OPHN1: variants seen among roughly 807,000 people sequenced by gnomAD.
OPHN1 encodes oligophrenin-1.
OPHN1 carries 11 observed loss-of-function variants against 60.7 expected under a neutral mutation model. The observed-to-expected ratio is 0.18, with a 90% CI of 0.11 to 0.30. OPHN1 has a LOEUF of 0.30. Among genes scored for constraint, OPHN1 ranks in the 10% least tolerant of loss-of-function variants. The pLI is 1.00. For missense variants in OPHN1, 449 were observed against 611.0 expected, an observed-to-expected ratio of 0.73 and a Z score of 2.80; for synonymous variants, 226 against 222.6, an observed-to-expected ratio of 1.02 and a Z score of -0.14.
At chrX:68,401,230 C>T (rs2078712968) in intron 2 of OPHN1, among the ~76,000 whole-genome samples, 1 of 111,831 alleles carries the variant, frequency 8.9e-6, no homozygotes, top group Admixed American at 9.5e-5. Flanking sequence ...GAGATATTCA[C>T]AATACAGCTA....
chrX:68,278,506 C>G (rs745542827), intron 4 of OPHN1, among the ~76,000 whole-genome samples: 2 of 112,920 alleles, frequency 1.8e-5, no homozygotes, highest in Non-Finnish European at 3.7e-5. Flanking sequence ...CAAAGTAACA[C>G]TGAAGGTGTT....
chrX:68,154,078 C>T, intron 15 of OPHN1, among the ~76,000 whole-genome samples: 1 of 112,144 alleles, frequency 8.9e-6, no homozygotes, highest in Non-Finnish European at 1.9e-5. Context: ...ACATTGGCAG[C>T]AATTTTATTA....
At chrX:68,306,095 G>A (rs981403562) in intron 2 of OPHN1, among the ~76,000 whole-genome samples, 7 of 112,205 alleles carry the variant, frequency 6.2e-5, no homozygotes, top group Non-Finnish European at 1.1e-4. Flanking sequence ...GTCCCCAGCT[G>A]GATAGTTCTC....
rs1352846416 is a variant in OPHN1 at position 68,045,695 on chromosome X, C to T, written c.*1477G>A. On this transcript the variant is annotated 3_prime_UTR_variant, in exon 25 of 25. Coordinates refer to ENST00000355520, the MANE Select transcript of OPHN1 (RefSeq NM_002547.3). ...CATTCCTCAGATTTCTGCCCCATTA[C>T]ACCAATTTTTAGGTCCTTTCCAATA... is the stretch of plus-strand genomic sequence containing the variant. The T allele has an allele frequency of 8.9e-6, 1 of 112,196 alleles. No individual in the cohort carries two copies. Among genetic ancestry groups the T allele is most frequent in the East Asian group, 2.8e-4 (1 of 3,557 alleles). 9.2% of individuals were successfully genotyped at this position (112,196 alleles called of 1,213,427 possible).
chrX:68,069,230 C>A (rs2076924227), intron 20 of OPHN1, among the ~76,000 whole-genome samples: 1 of 111,773 alleles, frequency 8.9e-6, no homozygotes, highest in Non-Finnish European at 1.9e-5. Context: ...TTAAATTAGA[C>A]CTTCTATCTA....
intron 7 of OPHN1, among the ~76,000 whole-genome samples, chrX:68,212,754 A>G (rs779100592): frequency 3.6e-4 from 40 of 112,290 alleles, no homozygotes; most frequent in Non-Finnish European, 7.1e-4. Context: ...TAACAAATTT[A>G]TTAACCCTGA....
intron 5 of OPHN1, among the ~76,000 whole-genome samples, chrX:68,263,198 T>C (rs937749337): frequency 2.7e-5 from 3 of 111,643 alleles, no homozygotes; most frequent in Admixed American, 9.5e-5. Context: ...ATTTTGTTCC[T>C]TCCTTCATTG....
At chrX:68,142,746 G>A (rs2077248572) in intron 15 of OPHN1, among the ~76,000 whole-genome samples, 1 of 111,972 alleles carries the variant, frequency 8.9e-6, no homozygotes, top group Non-Finnish European at 1.9e-5. Flanking sequence ...GCTAGGATAG[G>A]TTGCAGTCAG....
chrX:68,335,854 C>T (rs780071727), intron 2 of OPHN1, among the ~76,000 whole-genome samples: 14 of 111,382 alleles, frequency 1.3e-4, no homozygotes, highest in South Asian at 3.8e-4. Context: ...CACTTGAACC[C>T]GAGAGGTGGA....
chrX:68,294,786 G>A (rs779950975), intron 3 of OPHN1, among the ~76,000 whole-genome samples: 1 of 111,680 alleles, frequency 9.0e-6, no homozygotes, highest in South Asian at 3.7e-4. Flanking sequence ...TGAATTGAGG[G>A]ATAAACTTGC....
intron 5 of OPHN1, among the ~76,000 whole-genome samples, chrX:68,239,415 T>G (rs2077769645): frequency 9.0e-6 from 1 of 111,028 alleles, no homozygotes; most frequent in Admixed American, 9.6e-5. Context: ...CAGGGTGGTC[T>G]TGGAAAATGC....
At chrX:68,358,489 T>C in intron 2 of OPHN1, among the ~76,000 whole-genome samples, 1 of 111,972 alleles carries the variant, frequency 8.9e-6, no homozygotes, top group East Asian at 2.8e-4. Context: ...TTGAAGTTTG[T>C]CTGACAAGAG....
At chrX:68,310,090 T>C (rs1000653979) in intron 2 of OPHN1, among the ~76,000 whole-genome samples, 1 of 112,179 alleles carries the variant, frequency 8.9e-6, no homozygotes, top group African/African-American at 3.2e-5. Flanking sequence ...GTATTTCCTC[T>C]AGGAGAAATG....
chrX:68,095,499 T>C (rs1272045382), intron 19 of OPHN1, among the ~76,000 whole-genome samples: 1 of 112,280 alleles, frequency 8.9e-6, no homozygotes, highest in Non-Finnish European at 1.9e-5. Context: ...CATAGTCAAC[T>C]GCTCGCCAGG....
At chrX:68,393,040 C>T (rs1311383229) in intron 2 of OPHN1, among the ~76,000 whole-genome samples, 1 of 112,154 alleles carries the variant, frequency 8.9e-6, no homozygotes, top group Non-Finnish European at 1.9e-5. Flanking sequence ...GATTAACACT[C>T]AAGCTGTCCA....
At chrX:68,143,055 C>G (rs1248375445) in intron 15 of OPHN1, among the ~76,000 whole-genome samples, 1 of 111,180 alleles carries the variant, frequency 9.0e-6, no homozygotes, top group Non-Finnish European at 1.9e-5. Flanking sequence ...TGAAAAACCT[C>G]TTTTGCTAAA....
In OPHN1 at chrX:68,307,280, CAAA is replaced by C. The variant is rs1170857593; in HGVS notation, c.155-8187_155-8185del. Reference sequence around the variant, plus strand: ...CAACATTGTGAGACCCTGTCTCTACCAAAAAAAAAATAATAATAATAATAATAG... The same window carrying C: ...CAACATTGTGAGACCCTGTCTCTACCAAAAAAATAATAATAATAATAATAG... On this transcript the variant is annotated intron_variant, in intron 2 of 24. Coordinates refer to ENST00000355520, the MANE Select transcript of OPHN1 (RefSeq NM_002547.3). Among the ~76,000 whole-genome samples the C allele has an allele frequency of 5.5e-4, 53 of 96,009 alleles. 1 individual carries two copies. The highest frequency in any genetic ancestry group is 2.3e-3 in the African/African-American group (52 of 22,585). The allele number at this position is 96,009 out of a possible 115,157, so 83.4% of individuals were successfully genotyped here. A position where few individuals can be genotyped will look rare whatever the true frequency, so the allele number is the denominator to read the frequency against.
At chrX:68,365,227 C>T (rs1250951843) in intron 2 of OPHN1, among the ~76,000 whole-genome samples, 1 of 107,371 alleles carries the variant, frequency 9.3e-6, no homozygotes, top group African/African-American at 3.4e-5. Context: ...CAAGGCCTTA[C>T]AAAAGAAATG....
At chrX:68,166,307 G>A (rs935205299) in intron 15 of OPHN1, among the ~76,000 whole-genome samples, 1 of 111,535 alleles carries the variant, frequency 9.0e-6, no homozygotes, top group Non-Finnish European at 1.9e-5. Flanking sequence ...GCTGAGGCGG[G>A]TGGATAACCT....
Sources: gnomAD v4.1 joint callset for allele counts (sites outside exome capture counted in the v4.1 genomes callset) on GRCh38, gnomAD v4.1.1 for gene constraint, MANE v1.5 for transcripts, NCBI Gene and HGNC (gene_info 2026-07-23, HGNC 2026-07-21) for gene names.